The following SEMA3D variants were observed in gnomAD, a reference collection of about 807,000 sequenced individuals.
SEMA3D encodes the protein semaphorin-3D.
Under a neutral mutation model 100.1 loss-of-function variants are expected in SEMA3D, and 84 were observed. That is an observed-to-expected ratio of 0.84 (90% CI 0.70 to 1.01). SEMA3D has a LOEUF of 1.01. SEMA3D is among the 50% of genes least tolerant of loss of function. The pLI is 0.00. For synonymous variants in SEMA3D, 312 were observed against 320.7 expected (o/e 0.97, Z 0.29); for missense variants, 875 against 934.1 (o/e 0.94, Z 0.82).
chr7:85,212,670 G>A, the SEMA3D span, among the ~76,000 whole-genome samples: 1 of 151,858 alleles, frequency 6.6e-6, no homozygotes, highest in African/African-American at 2.4e-5. Context: ...ATTAAGCTTT[G>A]TTTAATGATT....
At chr7:85,181,322 A>G in intron 1 of SEMA3D, among the ~76,000 whole-genome samples, 1 of 37,706 alleles carries the variant, frequency 2.7e-5, no homozygotes, top group Admixed American at 3.8e-4. Flanking sequence ...TGCTCACAAC[A>G]CACACACACA....
At chr7:85,084,180 G>A (rs564262360) in intron 4 of SEMA3D, among the ~76,000 whole-genome samples, 1 of 152,102 alleles carries the variant, frequency 6.6e-6, no homozygotes, top group South Asian at 2.1e-4. Flanking sequence ...CTTGAATTCA[G>A]AGTCTTTGCT....
intron 4 of SEMA3D, among the ~76,000 whole-genome samples, chr7:85,092,370 TACTC>T: frequency 6.6e-6 from 1 of 152,116 alleles, no homozygotes. Flanking sequence ...TAATAATAGA[TACTC>T]AATGGATTTT....
chr7:85,099,320 A>G (rs1562817865), intron 3 of SEMA3D, among the ~76,000 whole-genome samples: 1 of 151,786 alleles, frequency 6.6e-6, no homozygotes, highest in Admixed American at 6.6e-5. Context: ...ATGAGAGCTG[A>G]TGGTTTTATA....
intron 17 of SEMA3D, among the ~76,000 whole-genome samples, chr7:85,012,125 T>A (rs1484370923): frequency 6.6e-6 from 1 of 151,754 alleles, no homozygotes; most frequent in African/African-American, 2.4e-5. Context: ...TCTCCTTCTT[T>A]CAAGATCTTC....
In SEMA3D at chr7:85,042,086, C is replaced by T. The variant is rs552920613; in HGVS notation, c.976+85G>A. 16 of 945,040 alleles carry T rather than the reference C, an allele frequency of 1.7e-5. No homozygotes were observed. The South Asian group carries it at 2.0e-4, about 12-fold the overall frequency. The allele number at this position is 945,040 out of a possible 1,614,324, so 58.5% of individuals were successfully genotyped here. A position where few individuals can be genotyped will look rare whatever the true frequency, so the allele number is the denominator to read the frequency against. On this transcript the variant is annotated intron_variant, in intron 10 of 18. Transcript: ENST00000284136. ...GTTTGCTCAGGTAAAATTAATCAGG[C>T]ATTTGGAGCCAAAGGGAAATAAATG...
chr7:85,038,658 G>T (rs1297986769), intron 11 of SEMA3D, among the ~76,000 whole-genome samples: 1 of 152,118 alleles, frequency 6.6e-6, no homozygotes, highest in Non-Finnish European at 1.5e-5. Flanking sequence ...CTTGTGTGTG[G>T]AGCACAGTGA....
chr7:85,142,726 A>G, intron 2 of SEMA3D: 1 of 969,382 alleles, frequency 1.0e-6, no homozygotes, highest in Non-Finnish European at 1.2e-6. Context: ...GTTTTCTTTA[A>G]TTTTATGGCT....
At chr7:85,211,324 A>G in the SEMA3D span, among the ~76,000 whole-genome samples, 1 of 152,024 alleles carries the variant, frequency 6.6e-6, no homozygotes, top group South Asian at 2.1e-4. Flanking sequence ...CATTTTCCAC[A>G]TTGAGTTCCC....
chr7:85,025,716 A>G (rs527870813), intron 12 of SEMA3D, among the ~76,000 whole-genome samples: 2 of 152,014 alleles, frequency 1.3e-5, no homozygotes, highest in Non-Finnish European at 2.9e-5. Flanking sequence ...AGTTTTATTT[A>G]TAGAGTAAAA....
At chr7:85,220,394 C>T in the SEMA3D span, among the ~76,000 whole-genome samples, 2 of 149,378 alleles carry the variant, frequency 1.3e-5, no homozygotes, top group Non-Finnish European at 3.0e-5. Flanking sequence ...AAATTCTAGG[C>T]AAACCTCTTC....
the SEMA3D span, among the ~76,000 whole-genome samples, chr7:85,192,189 T>G: frequency 6.6e-6 from 1 of 152,016 alleles, no homozygotes; most frequent in Admixed American, 6.6e-5. Flanking sequence ...GCCCAACATG[T>G]TTTTCTAAAA....
intron 4 of SEMA3D, among the ~76,000 whole-genome samples, chr7:85,097,525 A>G (rs1485131034): frequency 6.6e-6 from 1 of 151,868 alleles, no homozygotes; most frequent in African/African-American, 2.4e-5. Context: ...TTTCTATTAT[A>G]TGGCCTAGTG....
At chr7:85,024,220 CTCAG>C (rs1282334823) in intron 12 of SEMA3D, among the ~76,000 whole-genome samples, 3 of 151,886 alleles carry the variant, frequency 2.0e-5, no homozygotes, top group Admixed American at 6.6e-5. Flanking sequence ...ATGTTTGAGG[CTCAG>C]TCAAAGACAA....
chr7:85,162,662 T>C (rs1352084068), intron 1 of SEMA3D, among the ~76,000 whole-genome samples: 1 of 151,776 alleles, frequency 6.6e-6, no homozygotes, highest in Non-Finnish European at 1.5e-5. Flanking sequence ...GGAAGAACAA[T>C]ATGGGAAACG....
At chr7:85,027,997 A>G (rs188119183) in intron 12 of SEMA3D, 14 of 572,446 alleles carry the variant, frequency 2.4e-5, no homozygotes, top group African/African-American at 1.1e-4. Context: ...ACTCCAAATA[A>G]TCAAGTTCCA....
the SEMA3D span, among the ~76,000 whole-genome samples, chr7:85,210,379 T>G: frequency 6.6e-6 from 1 of 152,084 alleles, no homozygotes; most frequent in Non-Finnish European, 1.5e-5. Flanking sequence ...TAATTTAATT[T>G]ATGCTTTTAG....
intron 1 of SEMA3D, among the ~76,000 whole-genome samples, chr7:85,171,656 C>T (rs1169470186): frequency 1.3e-5 from 2 of 151,780 alleles, no homozygotes; most frequent in Admixed American, 6.6e-5. Flanking sequence ...AAAGGACACC[C>T]TTTATGTCGC....
intron 14 of SEMA3D, 26 bp downstream of exon 14, chr7:85,020,207 T>A: frequency 6.6e-7 from 1 of 1,505,798 alleles, no homozygotes; most frequent in Non-Finnish European, 9.2e-7. Context: ...ACATCTTTTC[T>A]CCTGGCACTC....
Sources: gnomAD v4.1 joint callset for allele counts (sites outside exome capture counted in the v4.1 genomes callset) on GRCh38, gnomAD v4.1.1 for gene constraint, MANE v1.5 for transcripts, NCBI Gene and HGNC (gene_info 2026-07-23, HGNC 2026-07-21) for gene names.